MYH3: variants seen among roughly 807,000 people sequenced by gnomAD.
MYH3 encodes the protein myosin heavy chain 3.
MYH3 carries 130 observed loss-of-function variants against 238.0 expected under a neutral mutation model. The observed-to-expected ratio is 0.55, with a 90% CI of 0.47 to 0.63. The LOEUF is 0.63. Among genes scored for constraint, MYH3 ranks in the 30% least tolerant of loss-of-function variants. The probability of loss-of-function intolerance (pLI) is 0.00; values close to 1 mark genes in which losing one functional copy is unlikely to be tolerated. For synonymous variants in MYH3, 880 were observed against 924.1 expected, an observed-to-expected ratio of 0.95 and a Z score of 0.86; for missense variants, 1,853 against 2,374.9, an observed-to-expected ratio of 0.78 and a Z score of 4.57.
chr17:10,667,717 T>C, the MYH3 span, among the ~76,000 whole-genome samples: 1 of 150,334 alleles, frequency 6.7e-6, no homozygotes, highest in African/African-American at 2.4e-5. Context: ...AAGGTCTCTA[T>C]GAGCTGAAAT....
At chr17:10,661,616 G>T (rs996004333), upstream of MYH3, among the ~76,000 whole-genome samples, 3 of 152,164 alleles carry the variant, frequency 2.0e-5, no homozygotes, top group African/African-American at 7.2e-5. Flanking sequence ...AATGAATCAG[G>T]TGGCTGCCCC....
chr17:10,631,313 A>C (rs750163712), intron 36 of MYH3, among the ~76,000 whole-genome samples: 1 of 152,224 alleles, frequency 6.6e-6, no homozygotes, highest in African/African-American at 2.4e-5. Context: ...AATGTGTGGG[A>C]TATTAACACC....
At chr17:10,643,149 T>C (rs537421719) in intron 14 of MYH3, among the ~76,000 whole-genome samples, 153 bp from the exon 15 acceptor site, 1 of 152,306 alleles carries the variant, frequency 6.6e-6, no homozygotes, top group South Asian at 2.1e-4. Flanking sequence ...AGACCGCATC[T>C]CCTCCTTGGC....
chr17:10,638,478 G>A (rs1190427908), intron 26 of MYH3, 46 bp from the exon 27 acceptor site: 3 of 1,598,630 alleles, frequency 1.9e-6, no homozygotes, highest in African/African-American at 1.3e-5. Flanking sequence ...GTTCACCGCG[G>A]GGACTCTGAT....
chr17:10,664,241 T>C, the MYH3 span, among the ~76,000 whole-genome samples: 13 of 152,172 alleles, frequency 8.5e-5, no homozygotes, highest in Non-Finnish European at 1.5e-4. Flanking sequence ...GCTAAAGATA[T>C]TGTGAGCATT....
rs932622821 is a variant in MYH3 at position 10,631,751 on chromosome 17, G to T, written c.5161-15C>A. ...AGGCTGGTGTTCTAGGGCAAGAGGA[G>T]GGCTGTTAACCAGGTGCGTATGAGG... On this transcript the variant is annotated splice_polypyrimidine_tract_variant and intron_variant, in intron 35 of 40. Transcript: ENST00000583535. 1 of 1,614,100 alleles carries T rather than the reference G, an allele frequency of 6.2e-7. No individual in the cohort carries two copies. Among genetic ancestry groups the T allele is most frequent in the Non-Finnish European group, 8.5e-7 (1 of 1,180,010 alleles).
In MYH3 at chr17:10,633,571, G is replaced by A; in HGVS notation, c.4647+20C>T. Reference sequence around the variant, plus strand: ...TCACCATGGCTGCATCTGCGCCTGAGCCTGCCTCCCAGCACTCACCTCTGC... The same window carrying A: ...TCACCATGGCTGCATCTGCGCCTGAACCTGCCTCCCAGCACTCACCTCTGC... On this transcript the variant is annotated intron_variant, in intron 33 of 40. Transcript: ENST00000583535. 1 of 1,611,806 alleles carries A rather than the reference G, an allele frequency of 6.2e-7. No individual in the cohort carries two copies. The highest frequency in any genetic ancestry group is 8.5e-7 in the Non-Finnish European group (1 of 1,179,870).
rs2142381003 is a variant in MYH3 at position 10,631,554 on chromosome 17, G to A, written c.5286+57C>T. The A allele has an allele frequency of 1.9e-6, 3 of 1,613,710 alleles. No homozygotes were observed. The East Asian group carries it at 6.7e-5, about 36-fold the overall frequency. ...GACCGCACCTGTCTAACTATGTGAGGGCTTTAATGCAATGCAATCCCGGCA... is the reference window on the plus strand; with the variant it reads ...GACCGCACCTGTCTAACTATGTGAGAGCTTTAATGCAATGCAATCCCGGCA... On this transcript the variant is annotated intron_variant, in intron 36 of 40. Coordinates refer to ENST00000583535, the MANE Select transcript of MYH3 (RefSeq NM_002470.4).
In MYH3 at chr17:10,631,840, G is replaced by T. The variant is rs752379842; in HGVS notation, c.5133C>A (p.Asn1711Lys). The change falls in exon 35 of 41, where the codon AAC becomes AAA. Residue 1711 changes from asparagine (N) to lysine (K), a missense_variant. Physicochemically the swap from Asn to Lys is moderately conservative, Grantham distance 94. Around this residue, in one of 3 missense-constraint regions of MYH3, gnomAD observed 1,044 missense variants for 1,192.6 expected, o/e 0.88. Coordinates refer to ENST00000583535, the MANE Select transcript of MYH3 (RefSeq NM_002470.4). ...KLAEQELLDS[N>K]ERVQLLHTQN... Reference sequence around the variant, plus strand: ...GGGTATGCAGCAGCTGCACCCTCTCGTTGGAGTCCAGGAGCTCCTGTTCCG... The same window carrying T: ...GGGTATGCAGCAGCTGCACCCTCTCTTTGGAGTCCAGGAGCTCCTGTTCCG... The T allele has an allele frequency of 6.2e-7, 1 of 1,614,098 alleles. No homozygotes were observed. The highest frequency in any genetic ancestry group is 8.5e-7 in the Non-Finnish European group (1 of 1,180,012).
chr17:10,665,257 C>T, the MYH3 span, among the ~76,000 whole-genome samples: 34 of 152,208 alleles, frequency 2.2e-4, no homozygotes, highest in East Asian at 6.0e-3. Flanking sequence ...ATTCTCCTGC[C>T]TCAGCCTCCC....
chr17:10,675,667 GGTTA>G, the MYH3 span: 2 of 152,052 alleles, frequency 1.3e-5, no homozygotes, highest in African/African-American at 2.4e-5. Context: ...TAACACGATG[GGTTA>G]GTTTTCCCTG....
At chr17:10,651,901 G>A (rs964813234) in intron 4 of MYH3, 12 of 523,168 alleles carry the variant, frequency 2.3e-5, no homozygotes, top group Admixed American at 6.7e-5. Flanking sequence ...ATGCCATCAC[G>A]CCCGGCTAAT....
At chr17:10,637,174 C>T (rs1367274613) in intron 28 of MYH3, among the ~76,000 whole-genome samples, 1 of 151,884 alleles carries the variant, frequency 6.6e-6, no homozygotes, top group African/African-American at 2.4e-5. Flanking sequence ...ATTCTCCTGC[C>T]TCAGCCTCCC....
In MYH3 at chr17:10,642,044, A is replaced by G. The variant is rs2074277977; in HGVS notation, c.1959+196T>C. ...CCAACTCAGCTATCTTTGGTATAAG[A>G]TAATAGTGATACTCTCATCGCACAT... On this transcript the variant is annotated intron_variant, in intron 17 of 40. Coordinates refer to ENST00000583535, the MANE Select transcript of MYH3 (RefSeq NM_002470.4). The surrounding 1 kb of genome is among the most constrained non-coding windows in gnomAD (Gnocchi z 5.4). Among the ~76,000 whole-genome samples, 1 of 152,188 alleles carries G rather than the reference A, an allele frequency of 6.6e-6. No homozygotes were observed. The highest frequency in any genetic ancestry group is 6.5e-5 in the Admixed American group (1 of 15,272).
At chr17:10,635,907 A>C in intron 28 of MYH3, 54 bp from the exon 29 acceptor site, 1 of 1,439,956 alleles carries the variant, frequency 6.9e-7, no homozygotes, top group Non-Finnish European at 9.8e-7. Flanking sequence ...TCACTCACCA[A>C]CTTTCTATTA....
rs142073714 is a variant in MYH3 at position 10,634,312 on chromosome 17, G to A, written c.4357-130C>T. The A allele has an allele frequency of 6.0e-5, 62 of 1,030,520 alleles. No homozygotes were observed. The African/African-American group carries it at 7.4e-4, about 12-fold the overall frequency. 63.8% of individuals were successfully genotyped at this position (1,030,520 alleles called of 1,614,324 possible). On this transcript the variant is annotated intron_variant, in intron 31 of 40. Transcript: ENST00000583535. ...ATCACTTGCCTGGCTCCTTGTTGTCGATTATTGGGCTAATCAAGATTCTGT... is the reference window on the plus strand; with the variant it reads ...ATCACTTGCCTGGCTCCTTGTTGTCAATTATTGGGCTAATCAAGATTCTGT...
rs771125552 is a variant in MYH3 at position 10,652,517 on chromosome 17, T to C, written c.251A>G (p.Lys84Arg). 2.2e-5 allele frequency: 36 copies of C among 1,612,928 alleles called. No homozygotes were observed. The highest frequency in any genetic ancestry group is 3.3e-5 in the South Asian group (3 of 91,062). ...GGCCATGTCTTCGATCCTGTCGAACTTGGGGGGGTTCATGGCGTACACATC... is the reference window on the plus strand; with the variant it reads ...GGCCATGTCTTCGATCCTGTCGAACCTGGGGGGGTTCATGGCGTACACATC... The part of the protein sequence containing the change: ...PEDVYAMNPP[K>R]FDRIEDMAML... The change falls in exon 4 of 41, where the codon AAG (lysine) becomes AGG (arginine). Residue 84 changes from lysine (K) to arginine (R), a missense_variant. By Grantham distance (26) the Lys-to-Arg change is conservative (BLOSUM62 2). This residue lies in a region of MYH3 where 131 missense variants were observed against 123.5 expected (regional missense o/e 1.06). Transcript: ENST00000583535.
chr17:10,663,360 C>T, the MYH3 span, among the ~76,000 whole-genome samples: 1 of 152,136 alleles, frequency 6.6e-6, no homozygotes, highest in Admixed American at 6.5e-5. Context: ...GAAAGAATGT[C>T]TCGCGGAACA....
Position 10,628,559 on chromosome 17 carries a change from T to G in MYH3, c.*94A>C. The G allele has an allele frequency of 7.1e-7, 1 of 1,410,740 alleles. No homozygotes were observed. The allele number at this position is 1,410,740 out of a possible 1,614,324, so 87.4% of individuals were successfully genotyped here. A position where few individuals can be genotyped will look rare whatever the true frequency, so the allele number is the denominator to read the frequency against. The stretch of plus-strand genomic sequence containing the variant: ...GAAACAAAGCAAAGTTTATTGCATG[T>G]GAAAAAGAGTCACATGGACATTAAG... On this transcript the variant is annotated 3_prime_UTR_variant, in exon 41 of 41. Transcript: ENST00000583535.
Sources: gnomAD v4.1 joint callset for allele counts (sites outside exome capture counted in the v4.1 genomes callset) on GRCh38, gnomAD v4.1.1 for gene constraint, gnomAD v4.1.1 regional missense constraint, Gnocchi (gnomAD v3.1) non-coding constraint, MANE v1.5 for transcripts, NCBI Gene and HGNC (gene_info 2026-07-23, HGNC 2026-07-21) for gene names.